Variants in RBFOX2 observed in about 807,000 individuals in gnomAD.
RBFOX2 encodes RNA binding fox-1 homolog 2, also known as RNA binding protein fox-1 homolog 2.
Under a neutral mutation model 49.1 loss-of-function variants are expected in RBFOX2, and 10 were observed. The observed-to-expected ratio is 0.20, with a 90% confidence interval of 0.13 to 0.35. The LOEUF is 0.35. RBFOX2 is among the 10% of genes least tolerant of loss of function. RBFOX2 has a pLI of 1.00. For synonymous variants in RBFOX2, 183 were observed against 187.4 expected, an observed-to-expected ratio of 0.98 and a Z score of 0.19; for missense variants, 323 against 486.9, an observed-to-expected ratio of 0.66 and a Z score of 3.17.
intron 1 of RBFOX2, among the ~76,000 whole-genome samples, chr22:35,938,595 AAAATACAAAACC>A (rs1434673195): frequency 6.6e-6 from 1 of 152,214 alleles, no homozygotes; most frequent in East Asian, 1.9e-4. Context: ...CCTGGAGAAG[AAAATACAAAACC>A]AATCATGACT....
At chr22:36,001,320 T>A (rs59996631) in intron 1 of RBFOX2, among the ~76,000 whole-genome samples, 12,079 of 151,320 alleles carry the variant, frequency 0.08, 509 homozygotes, top group African/African-American at 0.093. Context: ...AACTGCAACA[T>A]GAATGACAAA....
At chr22:35,969,113 C>A (rs2056730740) in intron 1 of RBFOX2, among the ~76,000 whole-genome samples, 1 of 152,126 alleles carries the variant, frequency 6.6e-6, no homozygotes, top group Admixed American at 6.5e-5. Context: ...GTCTCAAGAG[C>A]CCCTCATACA....
At chr22:36,025,751 G>A (rs549647139) in intron 1 of RBFOX2, among the ~76,000 whole-genome samples, 47 of 152,270 alleles carry the variant, frequency 3.1e-4, no homozygotes, top group Non-Finnish European at 5.0e-4. Flanking sequence ...GAACTTGGCC[G>A]GGTGCGGTGC....
At chr22:35,984,823 T>C (rs1442498442) in intron 1 of RBFOX2, among the ~76,000 whole-genome samples, 2 of 152,228 alleles carry the variant, frequency 1.3e-5, no homozygotes, top group Admixed American at 6.5e-5. Context: ...TTACCCAGTC[T>C]GCATAGAAAA....
At chr22:35,953,335 A>T (rs1412294274) in intron 1 of RBFOX2, among the ~76,000 whole-genome samples, 1 of 152,174 alleles carries the variant, frequency 6.6e-6, no homozygotes, top group Non-Finnish European at 1.5e-5. Flanking sequence ...AAAAGGAAAG[A>T]AGTACTGATA....
chr22:35,830,635 G>A (rs932888580), intron 1 of RBFOX2, among the ~76,000 whole-genome samples: 10 of 152,130 alleles, frequency 6.6e-5, no homozygotes, highest in Non-Finnish European at 1.5e-4. Context: ...ACTGAATACT[G>A]TAGGCAAGCA....
chr22:35,769,645 T>C (rs1012267981), intron 4 of RBFOX2, among the ~76,000 whole-genome samples: 5 of 152,186 alleles, frequency 3.3e-5, no homozygotes, highest in African/African-American at 1.2e-4. Flanking sequence ...GCTAGCGTTT[T>C]TTGAATATTC....
chr22:35,888,877 G>A (rs183719216), intron 1 of RBFOX2, among the ~76,000 whole-genome samples: 91 of 152,216 alleles, frequency 6.0e-4, no homozygotes, highest in African/African-American at 1.8e-3. Context: ...AATCTTGGCC[G>A]GGCACACTGA....
intron 1 of RBFOX2, among the ~76,000 whole-genome samples, chr22:35,973,857 C>T (rs749221640): frequency 1.2e-4 from 18 of 152,116 alleles, no homozygotes; most frequent in East Asian, 3.9e-4. Context: ...CATAGGGGAC[C>T]GACCACCTTG....
chr22:36,014,323 C>T (rs56177775), intron 1 of RBFOX2, among the ~76,000 whole-genome samples: 1 of 151,940 alleles, frequency 6.6e-6, no homozygotes, highest in African/African-American at 2.4e-5. Flanking sequence ...GGGGTTTCAC[C>T]GTGGTCTCGA....
intron 1 of RBFOX2, among the ~76,000 whole-genome samples, chr22:35,850,193 TACACACACACACACACACACACAC>T (rs58692076): frequency 2.3e-5 from 3 of 132,602 alleles, no homozygotes; most frequent in African/African-American, 5.7e-5. Flanking sequence ...CTCTCTCTCA[TACACACACACACACACACACACAC>T]ACACACACAC....
intron 1 of RBFOX2, among the ~76,000 whole-genome samples, chr22:36,027,654 C>T (rs1254351822): frequency 2.0e-5 from 3 of 152,190 alleles, no homozygotes; most frequent in Admixed American, 6.5e-5. Flanking sequence ...GTAAATGAGA[C>T]TGAGCACCAC....
intron 1 of RBFOX2, among the ~76,000 whole-genome samples, chr22:36,007,737 C>T (rs16985542): frequency 0.015 from 2,218 of 152,224 alleles, 116 homozygotes; most frequent in Admixed American, 0.11. Context: ...TATGCACACA[C>T]GGATACTTTT....
chr22:35,761,533 G>A (rs1938868486), intron 6 of RBFOX2, 65 bp from the exon 8 acceptor site: 5 of 1,567,136 alleles, frequency 3.2e-6, no homozygotes, highest in Non-Finnish European at 4.4e-6. Context: ...ATCAGTGCAT[G>A]TCAAGTTGGC....
chr22:35,958,062 T>C (rs1359679155), intron 1 of RBFOX2, among the ~76,000 whole-genome samples: 5 of 152,200 alleles, frequency 3.3e-5, no homozygotes, highest in Admixed American at 2.6e-4. Flanking sequence ...ACAGGCTGAG[T>C]TGACTATCAC....
At chr22:35,939,030 C>G (rs2053419548), upstream of RBFOX2, 1 of 848,914 alleles carries the variant, frequency 1.2e-6, no homozygotes, top group African/African-American at 1.7e-5. Flanking sequence ...GTATTCCACC[C>G]TACCTAAGTG....
In RBFOX2 at chr22:35,826,062, C is replaced by A. The variant is rs1456301951; in HGVS notation, c.27+14130G>T. ...TGCTTTTGGCAAAAAAAAAAAAAAG[C>A]CGGGTGCAGCGGCTCACGCCTATAA... On this transcript the variant is annotated intron_variant, in intron 1 of 11. Coordinates refer to ENST00000405409, the Ensembl canonical transcript of RBFOX2. Among the ~76,000 whole-genome samples, 4 of 137,598 alleles carry A rather than the reference C, an allele frequency of 2.9e-5. No homozygotes were observed. The South Asian group carries it at 9.4e-4, about 32-fold the overall frequency. The allele number at this position is 137,598 out of a possible 152,430, so 90.3% of individuals were successfully genotyped here. A position where few individuals can be genotyped will look rare whatever the true frequency, so the allele number is the denominator to read the frequency against.
chr22:35,871,349 C>T (rs1439947529), intron 1 of RBFOX2, among the ~76,000 whole-genome samples: 1 of 152,146 alleles, frequency 6.6e-6, no homozygotes, highest in Non-Finnish European at 1.5e-5. Context: ...TGGTCCGAAG[C>T]AGAAGGAAAG....
intron 2 of RBFOX2, among the ~76,000 whole-genome samples, chr22:35,782,547 T>C (rs1475374192): frequency 6.6e-6 from 1 of 152,216 alleles, no homozygotes; most frequent in Admixed American, 6.5e-5. Flanking sequence ...GGTCTTGATC[T>C]CCTGACCTTG....
Sources: allele counts gnomAD v4.1 joint callset (sites outside exome capture counted in the v4.1 genomes callset), GRCh38; gene constraint gnomAD v4.1.1; transcripts MANE v1.5; gene names NCBI Gene and HGNC (gene_info 2026-07-23, HGNC 2026-07-21).